TENM3: variants seen among roughly 807,000 people sequenced by gnomAD.
The protein encoded by TENM3 is teneurin-3.
In TENM3, 63 loss-of-function variants were observed where a neutral mutation model predicts 255.1. The ratio of observed to expected loss-of-function variants is 0.25; its 90% CI spans 0.20 to 0.30. TENM3 has a LOEUF of 0.30. Among genes scored for constraint, TENM3 ranks in the 10% least tolerant of loss-of-function variants. The probability of loss-of-function intolerance (pLI) is 1.00; values close to 1 mark genes in which losing one functional copy is unlikely to be tolerated. For synonymous variants in TENM3, 1,306 were observed against 1,322.3 expected (o/e 0.99, Z 0.27); for missense variants, 2,929 against 3,461.1 (o/e 0.85, Z 3.86).
intron 1 of TENM3, among the ~76,000 whole-genome samples, chr4:182,195,238 G>A (rs967121281): frequency 6.6e-5 from 10 of 152,094 alleles, no homozygotes; most frequent in South Asian, 2.1e-4. Flanking sequence ...CCCCCAAAAC[G>A]TGCCTGTTAT....
intron 4 of TENM3, among the ~76,000 whole-genome samples, chr4:182,603,535 A>G (rs1003610048): frequency 3.9e-5 from 6 of 152,040 alleles, no homozygotes; most frequent in Non-Finnish European, 7.4e-5. Flanking sequence ...AAAATCTCAC[A>G]CTGTACCGAC....
At chr4:182,475,504 G>A in intron 3 of TENM3, among the ~76,000 whole-genome samples, 1 of 151,974 alleles carries the variant, frequency 6.6e-6, no homozygotes, top group South Asian at 2.1e-4. Context: ...TTGATGACGG[G>A]GGTGTGTTTT....
chr4:181,971,556 A>ATTTGGC, the TENM3 span, among the ~76,000 whole-genome samples: 6 of 150,922 alleles, frequency 4.0e-5, no homozygotes, highest in Non-Finnish European at 8.9e-5. Context: ...GTTGTTGGGT[A>ATTTGGC]TTTGGTTTTG....
At chr4:181,862,709 A>T in the TENM3 span, among the ~76,000 whole-genome samples, 1 of 152,168 alleles carries the variant, frequency 6.6e-6, no homozygotes, top group African/African-American at 2.4e-5. Flanking sequence ...CTACTTCATT[A>T]TATTATATAT....
intron 3 of TENM3, among the ~76,000 whole-genome samples, chr4:182,355,306 A>T (rs1188268297): frequency 6.6e-6 from 1 of 152,196 alleles, no homozygotes; most frequent in Non-Finnish European, 1.5e-5. Flanking sequence ...CTACAAAAGT[A>T]GCCCCCGAGC....
chr4:181,635,931 G>T, the TENM3 span, among the ~76,000 whole-genome samples: 131 of 152,144 alleles, frequency 8.6e-4, no homozygotes, highest in Middle Eastern at 0.017. Flanking sequence ...TTACATCGTG[G>T]GCTCCCTCTT....
At chr4:181,587,445 C>T in the TENM3 span, among the ~76,000 whole-genome samples, 2 of 152,286 alleles carry the variant, frequency 1.3e-5, no homozygotes, top group East Asian at 1.9e-4. Flanking sequence ...CTCCATTTGC[C>T]GTCTCTTATC....
chr4:182,621,592 C>T (rs1257576121), intron 4 of TENM3, among the ~76,000 whole-genome samples: 3 of 90,964 alleles, frequency 3.3e-5, no homozygotes, highest in East Asian at 5.9e-4. Flanking sequence ...GGGAGACCCC[C>T]ATCTGTACAA....
At chr4:181,483,825 A>C in the TENM3 span, among the ~76,000 whole-genome samples, 1 of 152,140 alleles carries the variant, frequency 6.6e-6, no homozygotes, top group Non-Finnish European at 1.5e-5. Flanking sequence ...TGTGTGTTAC[A>C]AGCAGTTCTT....
chr4:181,452,688 A>T, the TENM3 span, among the ~76,000 whole-genome samples: 2 of 152,224 alleles, frequency 1.3e-5, no homozygotes, highest in South Asian at 2.1e-4. Context: ...AGAACAGACT[A>T]ATACAAAATG....
At chr4:182,796,423 G>T (rs979942115) in intron 26 of TENM3, among the ~76,000 whole-genome samples, 2 of 152,270 alleles carry the variant, frequency 1.3e-5, no homozygotes, top group African/African-American at 4.8e-5. Context: ...TCTATTACTC[G>T]CATTTTTCGT....
the TENM3 span, among the ~76,000 whole-genome samples, chr4:181,522,291 C>T: frequency 6.6e-6 from 1 of 152,046 alleles, no homozygotes; most frequent in African/African-American, 2.4e-5. Flanking sequence ...AAGCTGAAGA[C>T]ATTTTGTGCT....
chr4:181,963,244 T>C, the TENM3 span, among the ~76,000 whole-genome samples: 4 of 152,232 alleles, frequency 2.6e-5, no homozygotes, highest in African/African-American at 9.6e-5. Flanking sequence ...AAAATAATGC[T>C]ATATGTCAGT....
intron 3 of TENM3, among the ~76,000 whole-genome samples, chr4:182,567,845 A>G (rs1743949448): frequency 6.7e-6 from 1 of 148,682 alleles, no homozygotes; most frequent in Non-Finnish European, 1.5e-5. Context: ...TGTAATCCAA[A>G]AAAAAAAAAA....
At chr4:182,453,897 C>T (rs1580603469) in intron 3 of TENM3, among the ~76,000 whole-genome samples, 1 of 152,098 alleles carries the variant, frequency 6.6e-6, no homozygotes, top group East Asian at 1.9e-4. Flanking sequence ...ATTATTTAAC[C>T]ATTATTTCAT....
At chr4:182,352,603 T>C (rs990863109) in intron 3 of TENM3, among the ~76,000 whole-genome samples, 11 of 152,052 alleles carry the variant, frequency 7.2e-5, no homozygotes. Context: ...ATTTGGCTAA[T>C]GAAAAAGGGT....
chr4:182,531,851 T>A (rs768352232), intron 3 of TENM3, among the ~76,000 whole-genome samples: 6 of 152,206 alleles, frequency 3.9e-5, no homozygotes, highest in Non-Finnish European at 7.3e-5. Context: ...CAGCATAAAC[T>A]GCACTGTGTG....
rs948908334 is a variant in TENM3 at position 182,263,065 on chromosome 4, G to T, written c.-76+19589G>T. Among the ~76,000 whole-genome samples the T allele has an allele frequency of 7.2e-5, 11 of 152,190 alleles. No individual in the cohort carries two copies. The East Asian group carries it at 1.9e-3, about 27-fold the overall frequency. The stretch of plus-strand genomic sequence containing the variant: ...CGAGATCCAGGAAGCCTCTCTTGGG[G>T]TCTGGATGGGGACCCTTTCCTGTAT... On this transcript the variant is annotated intron_variant, in intron 1 of 27. Transcript: ENST00000511685.
intron 11 of TENM3, 114 bp from the exon 12 acceptor site, chr4:182,688,052 G>C: frequency 1.0e-6 from 1 of 978,190 alleles, no homozygotes; most frequent in Non-Finnish European, 1.5e-6. Flanking sequence ...TCTTTTGGAT[G>C]ATTTTGTGTT....
Sources: allele counts gnomAD v4.1 joint callset (sites outside exome capture counted in the v4.1 genomes callset), GRCh38; gene constraint gnomAD v4.1.1; transcripts MANE v1.5; gene names NCBI Gene and HGNC (gene_info 2026-07-23, HGNC 2026-07-21).